Variants in HSD17B12 observed in about 807,000 individuals in gnomAD.
HSD17B12 encodes the protein very-long-chain 3-oxoacyl-CoA reductase.
A neutral mutation model predicts 39.3 loss-of-function variants in HSD17B12; 32 were observed. That is an observed-to-expected ratio of 0.81 (90% confidence interval 0.61 to 1.09). The LOEUF (loss-of-function observed/expected upper bound fraction) is 1.09. Ranked by LOEUF, HSD17B12 falls within the 50% of genes least tolerant of loss-of-function variation. The pLI, the probability that HSD17B12 is intolerant of heterozygous loss-of-function variation, is 0.00. For synonymous variants in HSD17B12, 150 were observed against 146.7 expected (o/e 1.02, Z -0.16); for missense variants, 342 against 382.9 (o/e 0.89, Z 0.89).
At chr11:43,667,121 C>T in the HSD17B12 span, among the ~76,000 whole-genome samples, 1 of 152,098 alleles carries the variant, frequency 6.6e-6, no homozygotes. Context: ...AACTGATACA[C>T]TATATAGTTT....
At chr11:43,644,725 G>A in the HSD17B12 span, 1 of 152,876 alleles carries the variant, frequency 6.5e-6, no homozygotes, top group Non-Finnish European at 1.5e-5. Context: ...CAGTGTCCTG[G>A]GTGTTGTCTG....
At chr11:43,682,558 A>C (rs1182557034) in intron 1 of HSD17B12, among the ~76,000 whole-genome samples, 2 of 138,924 alleles carry the variant, frequency 1.4e-5, no homozygotes, top group East Asian at 1.9e-4. Context: ...AAAAAAAAAA[A>C]AAAAAAAACA....
intron 3 of HSD17B12, among the ~76,000 whole-genome samples, chr11:43,777,031 A>C (rs1950712828): frequency 6.6e-6 from 1 of 152,208 alleles, no homozygotes; most frequent in African/African-American, 2.4e-5. Context: ...GTTTGAAGTC[A>C]GGTAGTGTGA....
At chr11:43,749,799 A>C (rs1303557840) in intron 1 of HSD17B12, among the ~76,000 whole-genome samples, 1 of 152,108 alleles carries the variant, frequency 6.6e-6, no homozygotes, top group Non-Finnish European at 1.5e-5. Context: ...AAGTGAATAC[A>C]AGAAAATCCT....
intron 6 of HSD17B12, among the ~76,000 whole-genome samples, chr11:43,817,006 A>ATC (rs201312654): frequency 1.7e-3 from 39 of 22,892 alleles, no homozygotes; most frequent in Non-Finnish European, 2.7e-3. Context: ...ATCTATATCT[A>ATC]TATCTATATC....
At chr11:43,702,515 G>A (rs928778168) in intron 1 of HSD17B12, among the ~76,000 whole-genome samples, 2 of 152,190 alleles carry the variant, frequency 1.3e-5, no homozygotes, top group African/African-American at 4.8e-5. Flanking sequence ...TTTTTGTCAT[G>A]AAGGGATATT....
At chr11:43,766,443 G>A (rs1379220756) in intron 3 of HSD17B12, among the ~76,000 whole-genome samples, 2 of 152,154 alleles carry the variant, frequency 1.3e-5, no homozygotes. Context: ...TTTTTGTTCA[G>A]GCTGGTCAAG....
chr11:43,749,270 T>C (rs1194233401), intron 1 of HSD17B12, among the ~76,000 whole-genome samples: 1 of 152,174 alleles, frequency 6.6e-6, no homozygotes. Flanking sequence ...GTTATAGACA[T>C]GGTTAATTGA....
At chr11:43,826,081 CTTTTTTTTTT>C (rs71481435) in intron 6 of HSD17B12, among the ~76,000 whole-genome samples, 9 of 75,278 alleles carry the variant, frequency 1.2e-4, no homozygotes, top group Non-Finnish European at 2.5e-4. Context: ...CTTTTTTTTT[CTTTTTTTTTT>C]TTTTTTTTTG....
chr11:43,817,672 T>C (rs187694639), intron 6 of HSD17B12, among the ~76,000 whole-genome samples: 26 of 152,316 alleles, frequency 1.7e-4, no homozygotes, highest in Non-Finnish European at 1.6e-4. Flanking sequence ...GCTTTATTTC[T>C]GGGTTCTCTG....
At chr11:43,585,606 T>C in the HSD17B12 span, among the ~76,000 whole-genome samples, 1 of 152,262 alleles carries the variant, frequency 6.6e-6, no homozygotes, top group East Asian at 1.9e-4. Context: ...ATACGTAAAT[T>C]GACTGGAATC....
chr11:43,688,226 T>A (rs371002525), intron 1 of HSD17B12, among the ~76,000 whole-genome samples: 22 of 150,872 alleles, frequency 1.5e-4, no homozygotes, highest in African/African-American at 3.4e-4. Flanking sequence ...AAAAAAAAAA[T>A]TTAATGAATA....
chr11:43,653,113 G>C, the HSD17B12 span, among the ~76,000 whole-genome samples: 1 of 152,096 alleles, frequency 6.6e-6, no homozygotes. Flanking sequence ...AGGAAGGTCA[G>C]AGAGAGATTC....
At chr11:43,737,358 A>G (rs1450507130) in intron 1 of HSD17B12, among the ~76,000 whole-genome samples, 1 of 152,246 alleles carries the variant, frequency 6.6e-6, no homozygotes, top group African/African-American at 2.4e-5. Flanking sequence ...TACACAAACT[A>G]AAGTATTTTT....
chr11:43,672,158 C>T, the HSD17B12 span, among the ~76,000 whole-genome samples: 1 of 152,278 alleles, frequency 6.6e-6, no homozygotes, highest in East Asian at 1.9e-4. Context: ...ACGCCATTCT[C>T]CTGCCTCAGC....
the HSD17B12 span, among the ~76,000 whole-genome samples, chr11:43,573,828 T>A: frequency 5.9e-4 from 90 of 152,358 alleles, no homozygotes; most frequent in African/African-American, 2.1e-3. Flanking sequence ...ACCTACTCTG[T>A]GCCTTTAAAA....
At chr11:43,752,352 T>C (rs1427380191) in intron 2 of HSD17B12, among the ~76,000 whole-genome samples, 5 of 152,176 alleles carry the variant, frequency 3.3e-5, no homozygotes, top group Admixed American at 6.5e-5. Flanking sequence ...CAAAAATCTT[T>C]TATCCAGTGG....
the HSD17B12 span, among the ~76,000 whole-genome samples, chr11:43,585,508 T>C: frequency 1.3e-5 from 2 of 152,232 alleles, no homozygotes; most frequent in African/African-American, 4.8e-5. Flanking sequence ...TTCAGATCTT[T>C]ATACAACAGA....
intron 3 of HSD17B12, among the ~76,000 whole-genome samples, chr11:43,794,426 G>A (rs1302237284): frequency 6.6e-6 from 1 of 152,200 alleles, no homozygotes; most frequent in African/African-American, 2.4e-5. Flanking sequence ...CTAAACAGGT[G>A]AGGATAAGCA....
Sources: allele counts gnomAD v4.1 joint callset (sites outside exome capture counted in the v4.1 genomes callset), GRCh38; gene constraint gnomAD v4.1.1; transcripts MANE v1.5; gene names NCBI Gene and HGNC (gene_info 2026-07-23, HGNC 2026-07-21).